The following SLC2A13 variants were observed in gnomAD, a reference collection of about 807,000 sequenced individuals.
SLC2A13 encodes solute carrier family 2 member 13, also known as proton myo-inositol cotransporter.
In SLC2A13, 32 loss-of-function variants were observed where a neutral mutation model predicts 64.4. The observed-to-expected ratio is 0.50, with a 90% CI of 0.37 to 0.67. The LOEUF is 0.67. Ranked by LOEUF, SLC2A13 falls within the 30% of genes least tolerant of loss-of-function variation. SLC2A13 has a pLI of 0.00. For missense variants in SLC2A13, 743 were observed against 829.2 expected (o/e 0.90, Z 1.28); for synonymous variants, 338 against 327.1 (o/e 1.03, Z -0.36).
At chr12:39,852,486 T>C (rs1214722524) in intron 6 of SLC2A13, among the ~76,000 whole-genome samples, 1 of 152,244 alleles carries the variant, frequency 6.6e-6, no homozygotes, top group South Asian at 2.1e-4. Context: ...GACTTGTTCA[T>C]TGATCATGAC....
At position 40,048,207 on chromosome 12, in the gene SLC2A13, A is replaced by C; in HGVS notation, c.560T>G (p.Ile187Ser). The change falls in exon 2 of 10, where the codon ATT (isoleucine) becomes AGT (serine). Residue 187 changes from isoleucine to serine, a missense_variant. Transcript: ENST00000280871. ...GTACACTGGCACTGTCATAGAAGCA[A>C]TGCCTATAAAAACAATGAAAAGTAA... ...GRLVVGLGIG[I>S]ASMTVPVYIA... The C allele has an allele frequency of 6.3e-7, 1 of 1,591,146 alleles. No homozygotes were observed. The highest frequency in any genetic ancestry group is 8.5e-7 in the Non-Finnish European group (1 of 1,173,984).
At chr12:40,065,003 A>T (rs1937668398) in intron 1 of SLC2A13, among the ~76,000 whole-genome samples, 1 of 152,144 alleles carries the variant, frequency 6.6e-6, no homozygotes, top group Non-Finnish European at 1.5e-5. Flanking sequence ...CAGTTTTTTT[A>T]TTTCTAATTC....
At chr12:39,913,479 AGTC>A (rs1019400281) in intron 4 of SLC2A13, among the ~76,000 whole-genome samples, 10 of 151,668 alleles carry the variant, frequency 6.6e-5, no homozygotes, top group Non-Finnish European at 1.3e-4. Flanking sequence ...TTTCAAATTT[AGTC>A]ATCAAAAGAC....
intron 4 of SLC2A13, among the ~76,000 whole-genome samples, chr12:39,895,856 G>A (rs62647582): frequency 0.38 from 38,115 of 99,614 alleles, 17,925 homozygotes; most frequent in East Asian, 0.7. Context: ...ATATGTATAT[G>A]CGTGTATATG....
At chr12:39,896,751 T>G (rs1422819174) in intron 4 of SLC2A13, among the ~76,000 whole-genome samples, 1 of 152,084 alleles carries the variant, frequency 6.6e-6, no homozygotes, top group Non-Finnish European at 1.5e-5. Flanking sequence ...TTGCAGTTTC[T>G]ATTATATTTT....
At chr12:39,836,152 T>G (rs1942997357) in intron 6 of SLC2A13, among the ~76,000 whole-genome samples, 1 of 152,110 alleles carries the variant, frequency 6.6e-6, no homozygotes, top group South Asian at 2.1e-4. Flanking sequence ...TTAGAGAGTT[T>G]GTAGTAAATA....
At chr12:39,779,639 T>C (rs1045754561) in intron 7 of SLC2A13, among the ~76,000 whole-genome samples, 4 of 152,216 alleles carry the variant, frequency 2.6e-5, no homozygotes, top group Admixed American at 1.3e-4. Flanking sequence ...CTTCACTACA[T>C]TGTAAGCCTC....
At chr12:40,046,683 T>C (rs907990905) in intron 2 of SLC2A13, among the ~76,000 whole-genome samples, 1 of 151,778 alleles carries the variant, frequency 6.6e-6, no homozygotes, top group African/African-American at 2.4e-5. Context: ...TTTAGCAACA[T>C]CTGCAGACAC....
chr12:39,827,098 C>T (rs1376775966), intron 7 of SLC2A13, among the ~76,000 whole-genome samples: 1 of 151,812 alleles, frequency 6.6e-6, no homozygotes, highest in Non-Finnish European at 1.5e-5. Flanking sequence ...TTCCCATGGA[C>T]ATCTCATGTA....
chr12:39,878,274 G>A (rs1359983432), intron 4 of SLC2A13, among the ~76,000 whole-genome samples: 2 of 152,322 alleles, frequency 1.3e-5, no homozygotes, highest in African/African-American at 2.4e-5. Flanking sequence ...TGGAAGTGAC[G>A]TTGGCACTGT....
At chr12:39,951,400 T>G (rs1324271455) in intron 3 of SLC2A13, 35 bp from the exon 4 acceptor site, 30 of 1,500,050 alleles carry the variant, frequency 2.0e-5, no homozygotes, top group Non-Finnish European at 2.6e-5. Flanking sequence ...AAAATACAAC[T>G]ATTATTTTTA....
chr12:40,001,976 C>A (rs1011371645), intron 3 of SLC2A13, among the ~76,000 whole-genome samples: 2 of 152,254 alleles, frequency 1.3e-5, no homozygotes, highest in Middle Eastern at 3.4e-3. Flanking sequence ...TTTAACCTAG[C>A]AAATAGATGA....
At chr12:40,076,250 A>G (rs1938170127) in intron 1 of SLC2A13, among the ~76,000 whole-genome samples, 1 of 152,084 alleles carries the variant, frequency 6.6e-6, no homozygotes, top group Non-Finnish European at 1.5e-5. Context: ...AAATTATTTC[A>G]TCTCCCAGGT....
chr12:40,104,668 A>G (rs1476290913), intron 1 of SLC2A13, among the ~76,000 whole-genome samples: 1 of 152,260 alleles, frequency 6.6e-6, no homozygotes, highest in Non-Finnish European at 1.5e-5. Context: ...GGCAATAGAA[A>G]AAGCATAAAA....
At chr12:39,893,760 C>T (rs1944673194) in intron 4 of SLC2A13, among the ~76,000 whole-genome samples, 1 of 152,154 alleles carries the variant, frequency 6.6e-6, no homozygotes, top group Admixed American at 6.5e-5. Context: ...TCAAGTTATT[C>T]ATTAACTAAA....
chr12:39,985,742 A>C (rs1324286614), intron 3 of SLC2A13, among the ~76,000 whole-genome samples: 1 of 152,182 alleles, frequency 6.6e-6, no homozygotes, highest in Non-Finnish European at 1.5e-5. Flanking sequence ...TTGAGATCAC[A>C]GGCAGCTTAA....
At chr12:40,084,986 G>A (rs1035745449) in intron 1 of SLC2A13, among the ~76,000 whole-genome samples, 1 of 152,220 alleles carries the variant, frequency 6.6e-6, no homozygotes, top group African/African-American at 2.4e-5. Flanking sequence ...TTGGTAACCA[G>A]TCGCCAATGG....
At chr12:39,770,541 A>G (rs1218599788) in intron 7 of SLC2A13, among the ~76,000 whole-genome samples, 1 of 152,176 alleles carries the variant, frequency 6.6e-6, no homozygotes, top group Non-Finnish European at 1.5e-5. Context: ...TTTAGCGGGC[A>G]CTGGCATGGT....
intron 7 of SLC2A13, among the ~76,000 whole-genome samples, chr12:39,778,613 C>T (rs1000127564): frequency 1.9e-4 from 29 of 152,074 alleles, no homozygotes; most frequent in African/African-American, 6.3e-4. Flanking sequence ...TTATTATTAA[C>T]GTATTATTAC....
Sources: allele counts gnomAD v4.1 joint callset (sites outside exome capture counted in the v4.1 genomes callset), GRCh38; gene constraint gnomAD v4.1.1; transcripts MANE v1.5; gene names NCBI Gene and HGNC (gene_info 2026-07-23, HGNC 2026-07-21).